The following GPR26 variants were observed in gnomAD, a reference collection of about 807,000 sequenced individuals.
GPR26 encodes G protein-coupled receptor 26.
Under a neutral mutation model 23.1 loss-of-function variants are expected in GPR26, and 15 were observed. The observed-to-expected ratio is 0.65, with a 90% CI of 0.43 to 1.00. The LOEUF is 1.00. Among genes scored for constraint, GPR26 ranks in the 50% least tolerant of loss-of-function variants. The pLI is 0.00. For missense variants in GPR26, 359 were observed against 470.5 expected (o/e 0.76, Z 2.19); for synonymous variants, 228 against 222.1 (o/e 1.03, Z -0.24).
chr10:123,684,756 C>T lies in GPR26; in HGVS notation c.783-3173C>T, dbSNP rs142000974. ...CACCAATAGTACGGAATTAGGGGAC[C>T]GCCTTACTCCATTATGACCTGATTT... is the stretch of plus-strand genomic sequence containing the variant. On this transcript the variant is annotated intron_variant, in intron 2 of 2. Coordinates refer to ENST00000284674, the MANE Select transcript of GPR26 (RefSeq NM_153442.4). Among the ~76,000 whole-genome samples the T allele has an allele frequency of 2.2e-4, 34 of 152,306 alleles. 1 individual carries two copies. Among genetic ancestry groups the T allele is most frequent in the Admixed American group, 1.6e-3 (25 of 15,304 alleles).
Position 123,693,992 on chromosome 10 carries a change from G to A in GPR26, c.*5832G>A, listed in dbSNP as rs1420750421. ...GGAGGGTGGCATGTGGCAGCTGCAG[G>A]CTGTGGTCCAGAACTATGAGCAGAC... On this transcript the variant is annotated 3_prime_UTR_variant, in exon 3 of 3. Transcript: ENST00000284674. 6.7e-6 allele frequency: 1 copy of A among 149,906 alleles called. No individual in the cohort carries two copies. The highest frequency in any genetic ancestry group is 1.5e-5 in the Non-Finnish European group (1 of 66,466). 9.3% of individuals were successfully genotyped at this position (149,906 alleles called of 1,614,324 possible). A position where few individuals can be genotyped will look rare whatever the true frequency, so the allele number is the denominator to read the frequency against.
rs755322995 is a variant in GPR26, at chr10:123,666,701, C to T, written c.294C>T (p.Ala98=). 3.8e-6 allele frequency: 6 copies of T among 1,599,326 alleles called. No individual in the cohort carries two copies. In the African/African-American group the frequency reaches 5.3e-5, roughly 14 times the overall value. Residue 98 remains alanine (A), a synonymous_variant, in exon 1 of 3, where the codon GCC becomes GCT. Transcript: ENST00000284674. ...CTGCCAACTCCATGCTCAGCATGGC[C>T]GCGCTCAGCATCGACCGCTGGGTGG... is the stretch of plus-strand genomic sequence containing the variant. ...FLAANSMLSM[A]ALSIDRWVAV...
Position 123,692,073 on chromosome 10 carries a change from C to T in GPR26, c.*3913C>T, listed in dbSNP as rs890520523. 3.9e-5 allele frequency: 6 copies of T among 152,208 alleles called. No homozygotes were observed. The highest frequency in any genetic ancestry group is 1.4e-4 in the African/African-American group (6 of 41,454). The allele number at this position is 152,208 out of a possible 1,614,324, so 9.4% of individuals were successfully genotyped here. A position where few individuals can be genotyped will look rare whatever the true frequency, so the allele number is the denominator to read the frequency against. ...TTGTTCTTGGAGGGACAAAATTGAC[C>T]TCTCCATGAAATTGCAAAAACCCAT... On this transcript the variant is annotated 3_prime_UTR_variant, in exon 3 of 3. Coordinates refer to ENST00000284674, the MANE Select transcript of GPR26 (RefSeq NM_153442.4).
rs1845467614 is a variant in GPR26, at chr10:123,689,391, C to G, written c.*1231C>G. On this transcript the variant is annotated 3_prime_UTR_variant, in exon 3 of 3. Coordinates refer to ENST00000284674, the MANE Select transcript of GPR26 (RefSeq NM_153442.4). ...GTGAAATTTTTATGGAATACTGCACCTATAAAACACATGCCAATCTGTTAG... is the reference window on the plus strand; with the variant it reads ...GTGAAATTTTTATGGAATACTGCACGTATAAAACACATGCCAATCTGTTAG... 1 of 152,150 alleles carries G rather than the reference C, an allele frequency of 6.6e-6. No homozygotes were observed. Among genetic ancestry groups the G allele is most frequent in the Admixed American group, 6.6e-5 (1 of 15,266 alleles). 9.4% of individuals were successfully genotyped at this position (152,150 alleles called of 1,614,324 possible). A position where few individuals can be genotyped will look rare whatever the true frequency, so the allele number is the denominator to read the frequency against.
Position 123,687,932 on chromosome 10 carries a change from A to G in GPR26, c.786A>G (p.Leu262=), listed in dbSNP as rs202199226. Residue 262 remains leucine, a synonymous_variant, in exon 3 of 3, where the codon CTA becomes CTG. Coordinates refer to ENST00000284674, the MANE Select transcript of GPR26 (RefSeq NM_153442.4). Reference sequence around the variant, plus strand: ...CAGCTTCCCTGTCTCTCCACAGGCTAGTGGAGCTCTTCTCCACGGTGCCCA... The same window carrying G: ...CAGCTTCCCTGTCTCTCCACAGGCTGGTGGAGCTCTTCTCCACGGTGCCCA... ...VCFAPYVITR[L]VELFSTVPIG... The G allele has an allele frequency of 7.3e-5, 116 of 1,590,526 alleles. No individual in the cohort carries two copies. The highest frequency in any genetic ancestry group is 5.0e-4 in the Middle Eastern group (3 of 6,012).
At chr10:123,677,567 A>G (rs1405365329) in intron 2 of GPR26, among the ~76,000 whole-genome samples, 1 of 152,164 alleles carries the variant, frequency 6.6e-6, no homozygotes, top group Non-Finnish European at 1.5e-5. Flanking sequence ...GTGGAGCATA[A>G]AAGAATCCCT....
At chr10:123,677,894 T>C (rs1194794478) in intron 2 of GPR26, among the ~76,000 whole-genome samples, 1 of 152,158 alleles carries the variant, frequency 6.6e-6, no homozygotes, top group African/African-American at 2.4e-5. Flanking sequence ...AGATATGCTA[T>C]AGGTTTAAAA....
chr10:123,681,510 G>C (rs1038319695), intron 2 of GPR26, among the ~76,000 whole-genome samples: 1 of 152,134 alleles, frequency 6.6e-6, no homozygotes, highest in African/African-American at 2.4e-5. Context: ...GCTTCCACCC[G>C]CCTTGTACCT....
At chr10:123,668,761 G>A (rs182946648) in intron 1 of GPR26, among the ~76,000 whole-genome samples, 6 of 152,180 alleles carry the variant, frequency 3.9e-5, no homozygotes, top group African/African-American at 1.4e-4. Flanking sequence ...TTTAACTCCC[G>A]GGACTAAAGA....
intron 1 of GPR26, among the ~76,000 whole-genome samples, chr10:123,671,795 G>A (rs1003137742): frequency 1.3e-5 from 2 of 152,272 alleles, no homozygotes; most frequent in Admixed American, 6.5e-5. Context: ...AATTCTCTGT[G>A]TAACCTTGGG....
intron 2 of GPR26, among the ~76,000 whole-genome samples, chr10:123,676,673 C>T (rs780642456): frequency 6.6e-6 from 1 of 152,156 alleles, no homozygotes; most frequent in South Asian, 2.1e-4. Flanking sequence ...AAAGCCCAGG[C>T]AACAGAGGAG....
intron 2 of GPR26, among the ~76,000 whole-genome samples, chr10:123,681,845 C>T (rs1393946335): frequency 6.6e-6 from 1 of 152,202 alleles, no homozygotes; most frequent in African/African-American, 2.4e-5. Flanking sequence ...GAACACCTGC[C>T]AAGCACCTGG....
chr10:123,675,920 G>A (rs1325051018), intron 2 of GPR26, among the ~76,000 whole-genome samples: 3 of 151,010 alleles, frequency 2.0e-5, no homozygotes, highest in African/African-American at 7.3e-5. Flanking sequence ...AGCATCCTCA[G>A]CTGCAGGAAC....
rs34747102 is a variant in GPR26, at chr10:123,667,779, G to A, written c.668+704G>A. On this transcript the variant is annotated intron_variant, in intron 1 of 2. Transcript: ENST00000284674. ...TGGGGCTGAATCTGCCCCCACCTCC[G>A]TCGTCACGCTGGCTGCTGTTCTCAG... Among the ~76,000 whole-genome samples the A allele has an allele frequency of 3.0e-3, 462 of 152,210 alleles. 7 individuals are homozygous for A. In the East Asian group the frequency reaches 0.034, roughly 11 times the overall value.
Position 123,693,626 on chromosome 10 carries a change from T to C in GPR26, c.*5466T>C, listed in dbSNP as rs1845512385. The C allele has an allele frequency of 6.6e-6, 1 of 152,336 alleles. No individual in the cohort carries two copies. The highest frequency in any genetic ancestry group is 1.5e-5 in the Non-Finnish European group (1 of 68,140). 9.4% of individuals were successfully genotyped at this position (152,336 alleles called of 1,614,324 possible). On this transcript the variant is annotated 3_prime_UTR_variant, in exon 3 of 3. Transcript: ENST00000284674. ...AATGGCCTATTAGCCCCCAAAAAGT[T>C]AGTCCAACCCCAGGCCAGCTGCCTT...
In GPR26 at chr10:123,666,859, A is replaced by C. The variant is rs1241442801; in HGVS notation, c.452A>C (p.Gln151Pro). 4 of 1,610,912 alleles carry C rather than the reference A, an allele frequency of 2.5e-6. 1 individual carries two copies. The South Asian group carries it at 4.4e-5, about 18-fold the overall frequency. The change falls in exon 1 of 3, where the codon CAG becomes CCG. Residue 151 changes from glutamine (Q) to proline (P), a missense_variant. By Grantham distance (76) the Gln-to-Pro change is moderately conservative (BLOSUM62 -1). Coordinates refer to ENST00000284674, the MANE Select transcript of GPR26 (RefSeq NM_153442.4). Reference protein sequence around the residue: ...ALALSWLGFHQLYASCTLCSR... With the variant: ...ALALSWLGFHPLYASCTLCSR... ...GCCCTGTCCTGGCTCGGCTTCCACC[A>C]GCTGTACGCCTCGTGCACGCTGTGC...
At chr10:123,687,056 C>A (rs950026727) in intron 2 of GPR26, among the ~76,000 whole-genome samples, 3 of 152,036 alleles carry the variant, frequency 2.0e-5, no homozygotes, top group Admixed American at 6.5e-5. Context: ...TTTCCCTGAC[C>A]TCATAACATG....
At chr10:123,685,967 T>C (rs1158626811) in intron 2 of GPR26, among the ~76,000 whole-genome samples, 1 of 152,242 alleles carries the variant, frequency 6.6e-6, no homozygotes, top group African/African-American at 2.4e-5. Context: ...AATTACGATG[T>C]CTGAGCCAGG....
In GPR26 at chr10:123,697,341, T is replaced by A. The variant is rs1033691368; in HGVS notation, c.*9181T>A. 6.6e-6 allele frequency among the ~76,000 whole-genome samples: 1 copy of A among 150,712 alleles called. No homozygotes were observed. Among genetic ancestry groups the A allele is most frequent in the African/African-American group, 2.4e-5 (1 of 41,386 alleles). ...TATATTTTTATGATAGAATTGATGGTTAATACAGGGAAAAAGTATATATTG... is the reference window on the plus strand; with the variant it reads ...TATATTTTTATGATAGAATTGATGGATAATACAGGGAAAAAGTATATATTG... On this transcript the variant is annotated 3_prime_UTR_variant, in exon 3 of 3. Coordinates refer to ENST00000284674, the MANE Select transcript of GPR26 (RefSeq NM_153442.4).
Sources: allele counts gnomAD v4.1 joint callset (sites outside exome capture counted in the v4.1 genomes callset), GRCh38; gene constraint gnomAD v4.1.1; transcripts MANE v1.5; gene names NCBI Gene and HGNC (gene_info 2026-07-23, HGNC 2026-07-21).